SSH2: variants seen among roughly 807,000 people sequenced by gnomAD.
SSH2 encodes slingshot protein phosphatase 2.
A neutral mutation model predicts 135.2 loss-of-function variants in SSH2; 37 were observed. The observed-to-expected ratio is 0.27, with a 90% CI of 0.21 to 0.36. The LOEUF is 0.36. Among genes scored for constraint, SSH2 ranks in the 10% least tolerant of loss-of-function variants. SSH2 has a pLI of 1.00. For synonymous variants in SSH2, 628 were observed against 646.2 expected (o/e 0.97, Z 0.43); for missense variants, 1,408 against 1,765.3 (o/e 0.80, Z 3.63).
intron 1 of SSH2, among the ~76,000 whole-genome samples, chr17:29,915,383 C>T (rs559651130): frequency 9.2e-5 from 14 of 152,282 alleles, no homozygotes; most frequent in African/African-American, 3.4e-4. Context: ...ATTCTTCTCA[C>T]CTATTGTTTC....
Position 29,667,123 on chromosome 17 carries a change from C to T in SSH2, c.903+7G>A, listed in dbSNP as rs565241525. The stretch of plus-strand genomic sequence containing the variant: ...CTTGGAACAAACAAGGACTCAAGGT[C>T]TCTTACCTCTTTGGATGTAATATTC... On this transcript the variant is annotated splice_region_variant and intron_variant, in intron 10 of 15. Coordinates refer to ENST00000540801, the MANE Select transcript of SSH2 (RefSeq NM_001282129.2). 6.2e-7 allele frequency: 1 copy of T among 1,610,554 alleles called. No homozygotes were observed. The highest frequency in any genetic ancestry group is 1.1e-5 in the South Asian group (1 of 90,818).
chr17:29,746,988 C>T (rs1000518444), intron 3 of SSH2, among the ~76,000 whole-genome samples: 36 of 152,170 alleles, frequency 2.4e-4, no homozygotes, highest in African/African-American at 8.7e-4. Context: ...ATAAAGTCCA[C>T]AATTAGAACG....
At chr17:29,691,947 TG>T (rs948670115) in intron 5 of SSH2, among the ~76,000 whole-genome samples, 20 of 151,502 alleles carry the variant, frequency 1.3e-4, no homozygotes, top group African/African-American at 4.8e-4. Flanking sequence ...AAGACCAGCC[TG>T]GCCAACATGG....
Position 29,631,257 on chromosome 17 carries a change from G to T in SSH2, c.3937C>A (p.Leu1313Ile), listed in dbSNP as rs145914064. The T allele has an allele frequency of 1.2e-3, 1,880 of 1,614,110 alleles. 7 individuals carry two copies. Among genetic ancestry groups the T allele is most frequent in the Middle Eastern group, 7.1e-3 (43 of 6,062 alleles). ...REPASCESPH[L>I]KLLQPFLRTD... is the part of the protein sequence containing the mutation. ...CTGAGGAAAGGCTGAAGCAGTTTGA[G>T]ATGAGGGGATTCACAGGAGGCAGGC... The change falls in exon 16 of 16, where the codon CTC (leucine) becomes ATC (isoleucine). Residue 1313 changes from leucine (L) to isoleucine (I), a missense_variant. Leu to Ile is a conservative substitution (Grantham distance 5). Coordinates refer to ENST00000540801, the MANE Select transcript of SSH2 (RefSeq NM_001282129.2).
chr17:29,789,128 C>T (rs1379478826), intron 3 of SSH2, among the ~76,000 whole-genome samples: 1 of 152,174 alleles, frequency 6.6e-6, no homozygotes, highest in Non-Finnish European at 1.5e-5. Context: ...CATTCAACTA[C>T]AGTGGTTTCT....
At chr17:29,918,566 C>T (rs916716504) in intron 1 of SSH2, among the ~76,000 whole-genome samples, 2 of 152,210 alleles carry the variant, frequency 1.3e-5, no homozygotes, top group African/African-American at 4.8e-5. Flanking sequence ...CTTTACATGG[C>T]ATCAGCACTG....
intron 1 of SSH2, among the ~76,000 whole-genome samples, chr17:29,879,028 C>T (rs982433453): frequency 4.6e-5 from 7 of 152,146 alleles, no homozygotes; most frequent in African/African-American, 1.4e-4. Flanking sequence ...GGCTAAATTA[C>T]ATGATTTCCC....
intron 1 of SSH2, among the ~76,000 whole-genome samples, chr17:29,926,887 C>T (rs983578920): frequency 6.6e-5 from 10 of 152,148 alleles, no homozygotes; most frequent in African/African-American, 1.7e-4. Flanking sequence ...AGAACTAGTT[C>T]GAGAGCCACC....
At chr17:29,908,673 A>G (rs1046608645) in intron 1 of SSH2, among the ~76,000 whole-genome samples, 9 of 148,416 alleles carry the variant, frequency 6.1e-5, no homozygotes, top group Non-Finnish European at 1.0e-4. Flanking sequence ...CTGAAGCAGG[A>G]GAACTGCTTG....
At chr17:29,737,090 C>A (rs1200791293) in intron 3 of SSH2, among the ~76,000 whole-genome samples, 1 of 92,646 alleles carries the variant, frequency 1.1e-5, no homozygotes, top group African/African-American at 4.8e-5. Context: ...CAGAGCAAGA[C>A]TCTGTCTCAA....
At chr17:29,853,739 C>A (rs2065609540) in intron 1 of SSH2, among the ~76,000 whole-genome samples, 1 of 151,684 alleles carries the variant, frequency 6.6e-6, no homozygotes, top group Admixed American at 6.6e-5. Flanking sequence ...TAAAAATGGA[C>A]ACAACAATAA....
chr17:29,928,035 T>C (rs1489250674), intron 1 of SSH2, among the ~76,000 whole-genome samples: 1 of 152,234 alleles, frequency 6.6e-6, no homozygotes, highest in Non-Finnish European at 1.5e-5. Flanking sequence ...TAAATTAGTA[T>C]GATGACAACT....
At chr17:29,895,118 T>C (rs2066421237) in intron 1 of SSH2, among the ~76,000 whole-genome samples, 1 of 149,882 alleles carries the variant, frequency 6.7e-6, no homozygotes, top group African/African-American at 2.4e-5. Flanking sequence ...TATTTATAGA[T>C]AGATGTATTT....
chr17:29,886,099 G>A (rs1019033294), intron 1 of SSH2, among the ~76,000 whole-genome samples: 3 of 152,142 alleles, frequency 2.0e-5, no homozygotes, highest in South Asian at 2.1e-4. Context: ...TCGAGGACCC[G>A]GAAGAAGACA....
chr17:29,644,349 T>C (rs1226084609), intron 14 of SSH2, among the ~76,000 whole-genome samples: 1 of 152,172 alleles, frequency 6.6e-6, no homozygotes, highest in Non-Finnish European at 1.5e-5. Flanking sequence ...TGACAGAAAG[T>C]TATTGCTTGC....
At chr17:29,714,760 C>G (rs1368639816) in intron 3 of SSH2, among the ~76,000 whole-genome samples, 1 of 152,188 alleles carries the variant, frequency 6.6e-6, no homozygotes, top group African/African-American at 2.4e-5. Flanking sequence ...AAATTAAACT[C>G]ACTTTCTGAT....
chr17:29,770,489 T>TC (rs546341145), intron 3 of SSH2, among the ~76,000 whole-genome samples: 3,158 of 151,804 alleles, frequency 0.021, 44 homozygotes, highest in Middle Eastern at 0.065. Flanking sequence ...TTTTTTTTTT[T>TC]CAAAATGGAG....
chr17:29,823,341 A>C (rs3794730), intron 2 of SSH2, among the ~76,000 whole-genome samples: 1 of 152,036 alleles, frequency 6.6e-6, no homozygotes, highest in Non-Finnish European at 1.5e-5. Flanking sequence ...TTATAGAAGA[A>C]TTTCCAGAAC....
chr17:29,780,305 G>A (rs2041811748), intron 3 of SSH2, among the ~76,000 whole-genome samples: 1 of 152,118 alleles, frequency 6.6e-6, no homozygotes, highest in Non-Finnish European at 1.5e-5. Context: ...GTTTCTCCAT[G>A]AAATGTTAAC....
Sources: allele counts gnomAD v4.1 joint callset (sites outside exome capture counted in the v4.1 genomes callset), GRCh38; gene constraint gnomAD v4.1.1; transcripts MANE v1.5; gene names NCBI Gene and HGNC (gene_info 2026-07-23, HGNC 2026-07-21).